The following FGF14 variants were observed in gnomAD, a reference collection of about 807,000 sequenced individuals.
FGF14 encodes the protein fibroblast growth factor homologous factor 4.
In FGF14, 5 loss-of-function variants were observed where a neutral mutation model predicts 25.5. The ratio of observed to expected loss-of-function variants is 0.20; its 90% CI spans 0.10 to 0.41. The LOEUF (loss-of-function observed/expected upper bound fraction) is 0.41. Among genes scored for constraint, FGF14 ranks in the 10% least tolerant of loss-of-function variants. The pLI is 1.00. For synonymous variants in FGF14, 138 were observed against 118.3 expected, an observed-to-expected ratio of 1.17 and a Z score of -1.08; for missense variants, 222 against 320.1, an observed-to-expected ratio of 0.69 and a Z score of 2.34.
chr13:102,334,983 C>T (rs1421351878), intron 1 of FGF14, among the ~76,000 whole-genome samples: 1 of 152,136 alleles, frequency 6.6e-6, no homozygotes, highest in Admixed American at 6.6e-5. Flanking sequence ...CTAGAAGCCA[C>T]ATCTTAGAGT....
chr13:101,987,288 A>G (rs961095536), intron 1 of FGF14, among the ~76,000 whole-genome samples: 1 of 152,064 alleles, frequency 6.6e-6, no homozygotes. Flanking sequence ...CAGTCTTCCT[A>G]TCCCAAGTCT....
At chr13:102,030,527 G>T (rs2041157255) in intron 1 of FGF14, among the ~76,000 whole-genome samples, 1 of 152,020 alleles carries the variant, frequency 6.6e-6, no homozygotes, top group Admixed American at 6.6e-5. Context: ...AAATACATTC[G>T]GGGGAAAGAT....
intron 1 of FGF14, among the ~76,000 whole-genome samples, chr13:102,013,081 G>A (rs2040162829): frequency 6.6e-6 from 1 of 152,090 alleles, no homozygotes; most frequent in Non-Finnish European, 1.5e-5. Flanking sequence ...CTTGAGCCCA[G>A]GGGGTGAAGG....
chr13:101,846,055 C>T (rs889208567), intron 3 of FGF14, among the ~76,000 whole-genome samples: 2 of 151,830 alleles, frequency 1.3e-5, no homozygotes, highest in African/African-American at 2.4e-5. Context: ...AACGTATTTG[C>T]CAAATGTATA....
At chr13:102,171,211 T>C (rs2048232089) in intron 1 of FGF14, among the ~76,000 whole-genome samples, 1 of 152,194 alleles carries the variant, frequency 6.6e-6, no homozygotes, top group South Asian at 2.1e-4. Flanking sequence ...GACCAGTGTT[T>C]ATCATGTGCT....
At chr13:101,734,858 T>TAA in intron 3 of FGF14, among the ~76,000 whole-genome samples, 1 of 152,350 alleles carries the variant, frequency 6.6e-6, no homozygotes, top group African/African-American at 2.4e-5. Context: ...TATTTAACTA[T>TAA]TCCTACTAAT....
At position 101,916,707 on chromosome 13, in the gene FGF14, G is replaced by A. The variant is rs1175663680; in HGVS notation, c.-62C>T. On this transcript the variant is annotated 5_prime_UTR_variant, in exon 1 of 5. Transcript: ENST00000376143. The stretch of plus-strand genomic sequence containing the variant: ...GGGAGGACGGCGAGCCGGGGGCACC[G>A]GAGGGGAAGGCGGCGGCGCAGACCG... 5.0e-6 allele frequency: 7 copies of A among 1,392,630 alleles called. No individual in the cohort carries two copies. In the African/African-American group the frequency reaches 5.8e-5, roughly 12 times the overall value. 86.3% of individuals were successfully genotyped at this position (1,392,630 alleles called of 1,614,324 possible).
intron 1 of FGF14, among the ~76,000 whole-genome samples, chr13:101,992,857 A>G (rs1406595098): frequency 6.6e-6 from 1 of 152,082 alleles, no homozygotes; most frequent in Non-Finnish European, 1.5e-5. Flanking sequence ...GGTATACCTT[A>G]CACATTTTTG....
chr13:102,156,051 T>A (rs1034185380), intron 1 of FGF14, among the ~76,000 whole-genome samples: 1 of 152,146 alleles, frequency 6.6e-6, no homozygotes, highest in African/African-American at 2.4e-5. Context: ...CAGGACCAGA[T>A]GGATTCACAG....
intron 1 of FGF14, among the ~76,000 whole-genome samples, chr13:102,053,024 C>T (rs1330790237): frequency 1.3e-5 from 2 of 151,972 alleles, no homozygotes; most frequent in Non-Finnish European, 2.9e-5. Context: ...ATCAAAAAGC[C>T]TTATGGTAAC....
At chr13:101,878,913 CATG>C (rs1205506289) in intron 1 of FGF14, among the ~76,000 whole-genome samples, 9 of 149,062 alleles carry the variant, frequency 6.0e-5, no homozygotes, top group African/African-American at 9.9e-5. Flanking sequence ...AGAAGGCTTG[CATG>C]ATATTTTTCT....
intron 1 of FGF14, among the ~76,000 whole-genome samples, chr13:101,907,739 T>C (rs2032418721): frequency 6.6e-6 from 1 of 152,188 alleles, no homozygotes; most frequent in Non-Finnish European, 1.5e-5. Flanking sequence ...ATTTAAGATG[T>C]TCTAAATATT....
intron 1 of FGF14, among the ~76,000 whole-genome samples, chr13:102,319,297 T>A (rs530659295): frequency 1.3e-5 from 2 of 152,328 alleles, no homozygotes; most frequent in East Asian, 3.9e-4. Flanking sequence ...CATGAATCCA[T>A]GTCTAATCAT....
rs957748209 is a variant in FGF14 at position 101,712,394 on chromosome 13, C to T, written c.*10437G>A. ...GCCATATTAGCTTTAGCTGAGCTTA[C>T]CAGTTTTCTGAAAATGCTCTACTAT... On this transcript the variant is annotated 3_prime_UTR_variant, in exon 5 of 5. Transcript: ENST00000376143. The T allele has an allele frequency of 2.0e-5, 3 of 152,160 alleles. No individual in the cohort carries two copies. The highest frequency in any genetic ancestry group is 2.0e-4 in the Admixed American group (3 of 15,268). 9.4% of individuals were successfully genotyped at this position (152,160 alleles called of 1,614,324 possible).
intron 1 of FGF14, among the ~76,000 whole-genome samples, chr13:101,985,073 T>G (rs1048428939): frequency 9.0e-6 from 1 of 111,514 alleles, no homozygotes; most frequent in Non-Finnish European, 1.7e-5. Flanking sequence ...TCAAGGGTTT[T>G]TTTTTTGTTT....
At chr13:102,233,166 C>T (rs950123668) in intron 1 of FGF14, among the ~76,000 whole-genome samples, 1 of 152,146 alleles carries the variant, frequency 6.6e-6, no homozygotes, top group Non-Finnish European at 1.5e-5. Flanking sequence ...CAGAGTCTCA[C>T]TCTTGTTGCC....
At chr13:101,857,415 T>C (rs1263027318) in intron 3 of FGF14, among the ~76,000 whole-genome samples, 2 of 152,022 alleles carry the variant, frequency 1.3e-5, no homozygotes, top group Non-Finnish European at 2.9e-5. Context: ...CATCTCTCTT[T>C]ATTTAATATA....
At chr13:102,083,049 C>T (rs1455943601) in intron 1 of FGF14, among the ~76,000 whole-genome samples, 1 of 152,206 alleles carries the variant, frequency 6.6e-6, no homozygotes, top group Admixed American at 6.5e-5. Context: ...GTTCTTTCAT[C>T]CAGCTTCCAC....
chr13:102,029,876 C>T (rs909979681), intron 1 of FGF14, among the ~76,000 whole-genome samples: 3 of 151,954 alleles, frequency 2.0e-5, no homozygotes, highest in East Asian at 1.9e-4. Flanking sequence ...TGTCTTGTGC[C>T]CCTGTTATGC....
Sources: allele counts gnomAD v4.1 joint callset (sites outside exome capture counted in the v4.1 genomes callset), GRCh38; gene constraint gnomAD v4.1.1; transcripts MANE v1.5; gene names NCBI Gene and HGNC (gene_info 2026-07-23, HGNC 2026-07-21).